Variants in UNC5D observed in about 807,000 individuals in gnomAD.
The protein encoded by UNC5D is unc-5 netrin receptor D.
A neutral mutation model predicts 105.4 loss-of-function variants in UNC5D; 39 were observed. That is an observed-to-expected ratio of 0.37 (90% confidence interval 0.29 to 0.48). UNC5D has a LOEUF of 0.48. UNC5D is among the 20% of genes least tolerant of loss of function. The probability of loss-of-function intolerance (pLI) is 0.98; values close to 1 mark genes in which losing one functional copy is unlikely to be tolerated. For missense variants in UNC5D, 991 were observed against 1,202.4 expected (o/e 0.82, Z 2.60); for synonymous variants, 452 against 450.4 (o/e 1.00, Z -0.04).
At chr8:35,426,213 T>G (rs919956635) in intron 1 of UNC5D, among the ~76,000 whole-genome samples, 6 of 152,298 alleles carry the variant, frequency 3.9e-5, no homozygotes, top group African/African-American at 1.2e-4. Context: ...CTTTTCTTCC[T>G]TAGGCTGAGT....
In UNC5D at chr8:35,759,345, A is replaced by G; in HGVS notation, c.2189A>G (p.Gln730Arg). 1.2e-6 allele frequency: 2 copies of G among 1,613,698 alleles called. No individual in the cohort carries two copies. The highest frequency in any genetic ancestry group is 1.1e-5 in the South Asian group (1 of 90,946). Residue 730 changes from glutamine (Q) to arginine (R), a missense_variant, in exon 14 of 17, where the codon CAA (glutamine) becomes CGA (arginine). Transcript: ENST00000404895. ...FQEVVSDERH[Q>R]GGQLLEEPKL... ...GAAGTGGTTTCAGATGAAAGGCATC[A>G]AGGTGGACAGCTCCTGGAAGAACCA... is the stretch of plus-strand genomic sequence containing the variant.
chr8:35,562,502 T>C (rs1817035150), intron 2 of UNC5D, among the ~76,000 whole-genome samples: 2 of 152,122 alleles, frequency 1.3e-5, no homozygotes, highest in African/African-American at 4.8e-5. Flanking sequence ...CCTATCTTTT[T>C]TTGTCTTTTT....
intron 3 of UNC5D, among the ~76,000 whole-genome samples, chr8:35,571,297 C>T (rs1343746793): frequency 6.6e-6 from 1 of 152,148 alleles, no homozygotes; most frequent in Admixed American, 6.5e-5. Flanking sequence ...GATGTGATTT[C>T]TAAATAAAAA....
Position 35,683,621 on chromosome 8 carries a change from C to T in UNC5D, c.645C>T (p.Asn215=). 6.3e-7 allele frequency: 1 copy of T among 1,581,592 alleles called. No individual in the cohort carries two copies. The highest frequency in any genetic ancestry group is 1.2e-5 in the South Asian group (1 of 85,456). ...ACATTGACACCAGGGCTGACCATAA[C>T]CTGATCATCAGGCAGGCACGGCTCT... The part of the protein sequence containing the change: ...DENIDTRADH[N]LIIRQARLSD... Residue 215 remains asparagine, a synonymous_variant, in exon 5 of 17, where the codon AAC becomes AAT. Coordinates refer to ENST00000404895, the MANE Select transcript of UNC5D (RefSeq NM_080872.4).
At chr8:35,473,522 AT>A (rs543671838) in intron 1 of UNC5D, among the ~76,000 whole-genome samples, 2 of 152,240 alleles carry the variant, frequency 1.3e-5, no homozygotes, top group East Asian at 1.9e-4. Flanking sequence ...TTCTTAATAT[AT>A]TTTTTATGTT....
chr8:35,345,575 T>C (rs1315601067), intron 1 of UNC5D, among the ~76,000 whole-genome samples: 2 of 152,168 alleles, frequency 1.3e-5, no homozygotes, highest in African/African-American at 4.8e-5. Context: ...ATTTTCATCT[T>C]TGACTGTGTT....
intron 1 of UNC5D, among the ~76,000 whole-genome samples, chr8:35,513,578 C>T (rs114733067): frequency 8.5e-4 from 129 of 152,318 alleles, no homozygotes; most frequent in African/African-American, 2.8e-3. Flanking sequence ...TCTCATCCAA[C>T]ATTCCTAGTT....
chr8:35,597,403 G>A (rs1221783325), intron 4 of UNC5D, among the ~76,000 whole-genome samples: 1 of 152,120 alleles, frequency 6.6e-6, no homozygotes, highest in Non-Finnish European at 1.5e-5. Flanking sequence ...GTCAGGCAAG[G>A]GACTGTATCC....
intron 4 of UNC5D, among the ~76,000 whole-genome samples, chr8:35,607,753 C>T (rs1473154371): frequency 6.6e-6 from 1 of 152,108 alleles, no homozygotes; most frequent in Non-Finnish European, 1.5e-5. Context: ...TTCCTGCTGT[C>T]TTGTGAAGAG....
intron 1 of UNC5D, among the ~76,000 whole-genome samples, chr8:35,402,032 C>A (rs1804500668): frequency 6.6e-6 from 1 of 152,168 alleles, no homozygotes; most frequent in South Asian, 2.1e-4. Flanking sequence ...TCATTCTGTG[C>A]ATGATTGTTT....
intron 2 of UNC5D, among the ~76,000 whole-genome samples, chr8:35,566,282 G>A (rs1011969149): frequency 2.0e-5 from 3 of 152,152 alleles, no homozygotes; most frequent in African/African-American, 7.2e-5. Flanking sequence ...TATTAATTGA[G>A]TGGAAGGGAA....
chr8:35,659,888 A>G (rs1289576721), intron 4 of UNC5D, among the ~76,000 whole-genome samples: 2 of 152,182 alleles, frequency 1.3e-5, no homozygotes, highest in African/African-American at 4.8e-5. Context: ...CCAGGCCACC[A>G]CTACCCATTC....
At chr8:35,570,112 C>T (rs576263183) in intron 3 of UNC5D, among the ~76,000 whole-genome samples, 1 of 152,326 alleles carries the variant, frequency 6.6e-6, no homozygotes, top group African/African-American at 2.4e-5. Context: ...GGCTCAAATA[C>T]ACCTTTGTTA....
intron 4 of UNC5D, among the ~76,000 whole-genome samples, chr8:35,624,792 A>G (rs1821601364): frequency 6.6e-6 from 1 of 152,174 alleles, no homozygotes; most frequent in African/African-American, 2.4e-5. Context: ...AACCATCCAC[A>G]GCATCTCTCT....
At chr8:35,728,168 T>C (rs1828990828) in intron 10 of UNC5D, among the ~76,000 whole-genome samples, 1 of 150,486 alleles carries the variant, frequency 6.6e-6, no homozygotes. Flanking sequence ...TATGCAATTA[T>C]CTTATCTCTT....
chr8:35,387,015 T>TC (rs5890807), intron 1 of UNC5D, among the ~76,000 whole-genome samples: 65,927 of 151,430 alleles, frequency 0.44, 14,615 homozygotes, highest in East Asian at 0.7. Flanking sequence ...GAGAAGGAAT[T>TC]CCCCCCCTGC....
chr8:35,422,078 C>T (rs960921383), intron 1 of UNC5D, among the ~76,000 whole-genome samples: 6 of 152,164 alleles, frequency 3.9e-5, no homozygotes, highest in African/African-American at 7.2e-5. Flanking sequence ...AAACCATGAA[C>T]GGTATAGCCT....
intron 10 of UNC5D, among the ~76,000 whole-genome samples, chr8:35,730,524 GC>G (rs1040477952): frequency 6.6e-6 from 1 of 152,052 alleles, no homozygotes; most frequent in African/African-American, 2.4e-5. Flanking sequence ...CCTTCAACTT[GC>G]TTCCAGATGC....
chr8:35,550,859 G>A (rs1816079825), intron 2 of UNC5D, among the ~76,000 whole-genome samples: 1 of 152,192 alleles, frequency 6.6e-6, no homozygotes, highest in Non-Finnish European at 1.5e-5. Context: ...GAGGAGAGAG[G>A]AGTTTTAGTG....
Sources: allele counts gnomAD v4.1 joint callset (sites outside exome capture counted in the v4.1 genomes callset), GRCh38; gene constraint gnomAD v4.1.1; transcripts MANE v1.5; gene names NCBI Gene and HGNC (gene_info 2026-07-23, HGNC 2026-07-21).